Variants in MBNL2 observed in about 807,000 individuals in gnomAD.
MBNL2 encodes the protein muscleblind like splicing regulator 2, also known as muscleblind-like protein 2.
MBNL2 carries 17 observed loss-of-function variants against 41.9 expected under a neutral mutation model. That is an observed-to-expected ratio of 0.41 (90% CI 0.28 to 0.61). MBNL2 has a LOEUF of 0.61. Ranked by LOEUF, MBNL2 falls within the 20% of genes least tolerant of loss-of-function variation. MBNL2 has a pLI of 0.35. For missense variants in MBNL2, 336 were observed against 505.6 expected (o/e 0.66, Z 3.22); for synonymous variants, 195 against 182.9 (o/e 1.07, Z -0.53).
intron 3 of MBNL2, among the ~76,000 whole-genome samples, chr13:97,339,877 G>T (rs966084670): frequency 1.3e-5 from 2 of 148,842 alleles, no homozygotes; most frequent in African/African-American, 5.1e-5. Context: ...GTGTGGGCGG[G>T]GGGGGCGTTG....
intron 1 of MBNL2, among the ~76,000 whole-genome samples, chr13:97,225,997 T>A (rs1285310271): frequency 2.6e-5 from 4 of 152,224 alleles, no homozygotes; most frequent in African/African-American, 7.2e-5. Context: ...CTATTTTTTT[T>A]TCTCCAGTTT....
the MBNL2 span, among the ~76,000 whole-genome samples, chr13:97,157,654 A>T: frequency 6.6e-6 from 1 of 150,404 alleles, no homozygotes; most frequent in South Asian, 2.1e-4. Flanking sequence ...TGAGATAATC[A>T]TGTGGTTTTT....
intron 7 of MBNL2, among the ~76,000 whole-genome samples, chr13:97,358,614 T>C (rs1566439572): frequency 6.6e-6 from 1 of 152,134 alleles, no homozygotes; most frequent in African/African-American, 2.4e-5. Context: ...TACGCAAAGA[T>C]AGTCACCATA....
the MBNL2 span, among the ~76,000 whole-genome samples, chr13:97,199,435 G>A: frequency 5.9e-5 from 9 of 152,236 alleles, no homozygotes; most frequent in African/African-American, 1.9e-4. Flanking sequence ...TTTGTCTATT[G>A]TGCTCCCTGA....
chr13:97,171,612 A>T, the MBNL2 span, among the ~76,000 whole-genome samples: 3 of 152,228 alleles, frequency 2.0e-5, no homozygotes, highest in Non-Finnish European at 4.4e-5. Flanking sequence ...CCATCTGCCT[A>T]CAGGGAATAC....
Position 97,346,433 on chromosome 13 carries a change from AATAG to A in MBNL2, c.541-364_541-361del, listed in dbSNP as rs758482343. Among the ~76,000 whole-genome samples the A allele has an allele frequency of 1.1e-4, 17 of 152,230 alleles. No homozygotes were observed. Among genetic ancestry groups the A allele is most frequent in the East Asian group, 5.8e-4 (3 of 5,192 alleles). ...AGATGAAGGAATGGATGCATGGATAAATAGATAGATGATAGATATATGGATGGAT... is the reference window on the plus strand; with the variant it reads ...AGATGAAGGAATGGATGCATGGATAAATAGATGATAGATATATGGATGGAT... On this transcript the variant is annotated intron_variant, in intron 4 of 8. Coordinates refer to ENST00000679496, the MANE Select transcript of MBNL2 (RefSeq NM_001382683.1). The surrounding 1 kb of genome is among the most constrained non-coding windows in gnomAD (Gnocchi z 4.2).
intron 2 of MBNL2, among the ~76,000 whole-genome samples, chr13:97,286,237 A>T (rs2054408601): frequency 6.6e-6 from 1 of 152,172 alleles, no homozygotes; most frequent in South Asian, 2.1e-4. Context: ...TTAATTCCCC[A>T]TTCAACCTAC....
the MBNL2 span, among the ~76,000 whole-genome samples, chr13:97,193,321 G>A: frequency 6.6e-6 from 1 of 152,198 alleles, no homozygotes; most frequent in Non-Finnish European, 1.5e-5. Flanking sequence ...CAAGTTGATG[G>A]GGCCCAAGGG....
the MBNL2 span, among the ~76,000 whole-genome samples, chr13:97,158,760 A>G: frequency 6.6e-6 from 1 of 151,986 alleles, no homozygotes; most frequent in Admixed American, 6.6e-5. Context: ...GGTCTGAGAG[A>G]TAGTTTGTTA....
chr13:97,201,868 A>C, the MBNL2 span, among the ~76,000 whole-genome samples: 60 of 152,344 alleles, frequency 3.9e-4, no homozygotes, highest in African/African-American at 1.4e-3. Flanking sequence ...CATGCAAAAT[A>C]GTCTCATTTG....
At chr13:97,352,912 G>A (rs1028558519) in intron 5 of MBNL2, among the ~76,000 whole-genome samples, 3 of 152,176 alleles carry the variant, frequency 2.0e-5, no homozygotes, top group Non-Finnish European at 4.4e-5. Flanking sequence ...GTCATTAAAG[G>A]AACAATACAC....
the MBNL2 span, among the ~76,000 whole-genome samples, chr13:97,151,946 T>C: frequency 6.6e-6 from 1 of 152,102 alleles, no homozygotes; most frequent in Non-Finnish European, 1.5e-5. Flanking sequence ...ACAAAGATCT[T>C]CCAACAGCAC....
rs76114881 is a variant in MBNL2 at position 97,371,395 on chromosome 13, C to T, written c.1048+6224C>T. 4.2e-3 allele frequency among the ~76,000 whole-genome samples: 646 copies of T among 152,156 alleles called. 6 individuals are homozygous for T. Among genetic ancestry groups the T allele is most frequent in the African/African-American group, 0.015 (618 of 41,518 alleles). On this transcript the variant is annotated intron_variant, in intron 8 of 8. Coordinates refer to ENST00000679496, the MANE Select transcript of MBNL2 (RefSeq NM_001382683.1). ...AGGACTTTGCACATTCCTTAAGGCA[C>T]CATCATTAAATAGAAAGAAAGACAA...
chr13:97,250,994 C>G (rs1409411894), intron 1 of MBNL2, among the ~76,000 whole-genome samples: 1 of 152,024 alleles, frequency 6.6e-6, no homozygotes, highest in African/African-American at 2.4e-5. Flanking sequence ...GCCAAGCCTC[C>G]TTGCCATTGC....
At chr13:97,321,954 G>A (rs985732723) in intron 2 of MBNL2, among the ~76,000 whole-genome samples, 4 of 152,206 alleles carry the variant, frequency 2.6e-5, no homozygotes, top group Non-Finnish European at 4.4e-5. Context: ...TTGTAGTGAA[G>A]ACTAAATGGG....
chr13:97,259,138 C>T (rs2048116557), intron 1 of MBNL2, among the ~76,000 whole-genome samples: 2 of 152,096 alleles, frequency 1.3e-5, no homozygotes, highest in Admixed American at 6.5e-5. Flanking sequence ...CCTTCAGGAC[C>T]CAGCACTGCC....
chr13:97,275,025 A>G (rs1308757028), intron 1 of MBNL2, among the ~76,000 whole-genome samples: 2 of 152,210 alleles, frequency 1.3e-5, no homozygotes, highest in Non-Finnish European at 2.9e-5. Flanking sequence ...AATGAAAACT[A>G]CAAAGAATAG....
At chr13:97,383,279 G>T (rs929102601) in intron 8 of MBNL2, among the ~76,000 whole-genome samples, 1 of 152,172 alleles carries the variant, frequency 6.6e-6, no homozygotes, top group African/African-American at 2.4e-5. Context: ...TAAGAACCTA[G>T]ATGTTTTTAC....
At chr13:97,143,605 T>C in the MBNL2 span, among the ~76,000 whole-genome samples, 1 of 152,242 alleles carries the variant, frequency 6.6e-6, no homozygotes, top group Non-Finnish European at 1.5e-5. Flanking sequence ...AATTCACAGA[T>C]GATGTTTTGT....
Sources: gnomAD v4.1 joint callset for allele counts (sites outside exome capture counted in the v4.1 genomes callset) on GRCh38, gnomAD v4.1.1 for gene constraint, Gnocchi (gnomAD v3.1) non-coding constraint, MANE v1.5 for transcripts, NCBI Gene and HGNC (gene_info 2026-07-23, HGNC 2026-07-21) for gene names.